The following PRKDC variants were observed in gnomAD, a reference collection of about 807,000 sequenced individuals.
The protein encoded by PRKDC is DNA-dependent protein kinase catalytic subunit.
A neutral mutation model predicts 486.9 loss-of-function variants in PRKDC; 82 were observed. The observed-to-expected ratio is 0.17, with a 90% CI of 0.14 to 0.20. The LOEUF (loss-of-function observed/expected upper bound fraction) is 0.20, where lower values mean the gene tolerates loss of function less well. Ranked by LOEUF, PRKDC falls within the 10% of genes least tolerant of loss-of-function variation. The pLI, the probability that PRKDC is intolerant of heterozygous loss-of-function variation, is 1.00. For synonymous variants in PRKDC, 1,895 were observed against 1,837.0 expected (o/e 1.03, Z -0.81); for missense variants, 4,504 against 5,038.2 (o/e 0.89, Z 3.21).
At chr8:47,869,147 G>C (rs1352252297) in intron 40 of PRKDC, among the ~76,000 whole-genome samples, 1 of 152,114 alleles carries the variant, frequency 6.6e-6, no homozygotes, top group Non-Finnish European at 1.5e-5. Flanking sequence ...GCTGGGCTCA[G>C]AACAAGTGGA....
chr8:47,942,947 C>G (rs532510351), intron 10 of PRKDC, among the ~76,000 whole-genome samples: 1 of 152,348 alleles, frequency 6.6e-6, no homozygotes, highest in South Asian at 2.1e-4. Context: ...CCCAGCCCTT[C>G]CGGCCATCAC....
At position 47,862,101 on chromosome 8, in the gene PRKDC, G is replaced by A. The variant is rs1431185388; in HGVS notation, c.5946C>T (p.Ile1982=). 9.7e-6 allele frequency: 15 copies of A among 1,551,318 alleles called. No homozygotes were observed. Among genetic ancestry groups the A allele is most frequent in the Middle Eastern group, 1.7e-4 (1 of 5,998 alleles). The change falls in exon 44 of 86, where the codon ATC becomes ATT. Residue 1982 remains isoleucine, a synonymous_variant. Coordinates refer to ENST00000314191, the MANE Select transcript of PRKDC (RefSeq NM_006904.7). ...EKNLLIFENL[I]DLKRRYNFPV... ...GAAAATTATAGCGGCGCTTCAGGTC[G>A]ATCAGATTTTCAAAAATAAGCAAGT...
intron 33 of PRKDC, 76 bp downstream of exon 33, chr8:47,888,938 G>C (rs2089394585): frequency 2.1e-6 from 3 of 1,419,780 alleles, no homozygotes; most frequent in Non-Finnish European, 2.9e-6. Context: ...AGCAGGAGCA[G>C]CTGCAGGAGC....
At chr8:47,807,083 G>T (rs763794764) in intron 69 of PRKDC, 54 bp downstream of exon 69, 13 of 1,521,512 alleles carry the variant, frequency 8.5e-6, no homozygotes, top group African/African-American at 1.4e-5. Flanking sequence ...TTAGAGAAAA[G>T]CTAATTTAGC....
Position 47,799,246 on chromosome 8 carries a change from C to A in PRKDC, c.10261G>T (p.Asp3421Tyr). The stretch of plus-strand genomic sequence containing the variant: ...TCTTCCTCCTTGCGCAGCTGTTGGT[C>A]ACAGAAATCTGCCAGCGTCATGTAA... The part of the protein sequence containing the change: ...DAYMTLADFC[D>Y]QQLRKEEENA... Residue 3421 changes from aspartate (D) to tyrosine (Y), a missense_variant, in exon 72 of 86, where the codon GAC (aspartate) becomes TAC (tyrosine). Physicochemically the swap from Asp to Tyr is radical, Grantham distance 160. Around this residue, in one of 6 missense-constraint regions of PRKDC, gnomAD observed 706 missense variants for 945.0 expected, o/e 0.75. Coordinates refer to ENST00000314191, the MANE Select transcript of PRKDC (RefSeq NM_006904.7). 6.2e-7 allele frequency: 1 copy of A among 1,613,888 alleles called. No homozygotes were observed. The highest frequency in any genetic ancestry group is 1.1e-5 in the South Asian group (1 of 91,076).
intron 66 of PRKDC, 46 bp downstream of exon 66, chr8:47,820,673 A>G: frequency 1.0e-6 from 1 of 964,754 alleles, no homozygotes; most frequent in Non-Finnish European, 1.4e-6. Context: ...TAATATATAT[A>G]TACACTATAT....
chr8:47,822,238 A>C (rs534205412), intron 64 of PRKDC, among the ~76,000 whole-genome samples: 1 of 151,922 alleles, frequency 6.6e-6, no homozygotes, highest in East Asian at 2.0e-4. Context: ...GGCTGCAGTA[A>C]GCTGAGATTG....
intron 47 of PRKDC, 32 bp from the exon 48 acceptor site, chr8:47,858,667 C>A: frequency 2.7e-6 from 4 of 1,462,458 alleles, no homozygotes; most frequent in South Asian, 1.4e-5. Flanking sequence ...TACCTTAAAA[C>A]GTGGAATAAA....
rs750839673 is a variant in PRKDC, at chr8:47,773,954, C to T, written c.*219G>A. ...GCCTGGATATCTATCTTTCTATAAA[C>T]CTCACCTAATCTTTGATGTTACTAT... On this transcript the variant is annotated 3_prime_UTR_variant, in exon 86 of 86. Transcript: ENST00000314191. 4.6e-5 allele frequency: 22 copies of T among 478,440 alleles called. No individual in the cohort carries two copies. The highest frequency in any genetic ancestry group is 7.3e-5 in the Non-Finnish European group (20 of 273,648). The allele number at this position is 478,440 out of a possible 1,614,324, so 29.6% of individuals were successfully genotyped here.
intron 42 of PRKDC, 75 bp from the exon 43 acceptor site, chr8:47,862,616 A>T (rs907443548): frequency 3.9e-5 from 55 of 1,407,718 alleles, no homozygotes; most frequent in Non-Finnish European, 4.8e-5. Context: ...ATGCCAGACA[A>T]CAGGACCTAA....
At chr8:47,899,978 G>T (rs1339672266) in intron 28 of PRKDC, among the ~76,000 whole-genome samples, 3 of 152,124 alleles carry the variant, frequency 2.0e-5, no homozygotes, top group Non-Finnish European at 4.4e-5. Flanking sequence ...CTTTCTAAAT[G>T]ATCACGAGTG....
chr8:47,899,808 C>T (rs2089647460), intron 28 of PRKDC, among the ~76,000 whole-genome samples: 5 of 152,214 alleles, frequency 3.3e-5, no homozygotes, highest in Admixed American at 3.3e-4. Context: ...AGCTCAACAA[C>T]TCTATGTAGT....
Position 47,782,728 on chromosome 8 carries a change from C to T in PRKDC, c.11176-130G>A. 1 of 980,052 alleles carries T rather than the reference C, an allele frequency of 1.0e-6. No homozygotes were observed. The highest frequency in any genetic ancestry group is 1.5e-6 in the Non-Finnish European group (1 of 675,504). 60.7% of individuals were successfully genotyped at this position (980,052 alleles called of 1,614,324 possible). On this transcript the variant is annotated intron_variant, in intron 78 of 85. Coordinates refer to ENST00000314191, the MANE Select transcript of PRKDC (RefSeq NM_006904.7). The surrounding 1 kb of genome is among the most constrained non-coding windows in gnomAD (Gnocchi z 4.9). ...GAAGACAGTGCCAAAGAGCAGAGCG[C>T]CCAGGCCAGCAACGAATTTCTGCTA...
At position 47,922,384 on chromosome 8, in the gene PRKDC, A is replaced by G. The variant is rs558973791; in HGVS notation, c.2420-4001T>C. On this transcript the variant is annotated intron_variant, in intron 21 of 85. Transcript: ENST00000314191. Reference sequence around the variant, plus strand: ...CCACTTGGGAAGCTGAGGCAGGAGAACTGCTTGAACCCGGGAGGCGGAGGT... The same window carrying G: ...CCACTTGGGAAGCTGAGGCAGGAGAGCTGCTTGAACCCGGGAGGCGGAGGT... Among the ~76,000 whole-genome samples, 18 of 152,152 alleles carry G rather than the reference A, an allele frequency of 1.2e-4. No individual in the cohort carries two copies. In the East Asian group the frequency reaches 1.7e-3, roughly 15 times the overall value.
chr8:47,874,854 A>C (rs2089056005), intron 40 of PRKDC, among the ~76,000 whole-genome samples: 1 of 152,166 alleles, frequency 6.6e-6, no homozygotes, highest in African/African-American at 2.4e-5. Context: ...CAGGAGTTCA[A>C]GACCAGCCTG....
At chr8:47,931,150 TAAGA>T (rs760248221) in intron 16 of PRKDC, among the ~76,000 whole-genome samples, 17 of 152,268 alleles carry the variant, frequency 1.1e-4, no homozygotes, top group Middle Eastern at 3.4e-3. Flanking sequence ...TTAACAGTAG[TAAGA>T]AAGATAAATG....
Position 47,890,491 on chromosome 8 carries a change from T to G in PRKDC, c.3848-11A>C, listed in dbSNP as rs1422190264. ...ACTGGGCTTCAGTACCTAGAAGCAA[T>G]TATATTAAAGTATTAATATATGCTT... On this transcript the variant is annotated splice_polypyrimidine_tract_variant and intron_variant, in intron 31 of 85. Coordinates refer to ENST00000314191, the MANE Select transcript of PRKDC (RefSeq NM_006904.7). 1.1e-5 allele frequency: 17 copies of G among 1,524,252 alleles called. No individual in the cohort carries two copies. Among genetic ancestry groups the G allele is most frequent in the Non-Finnish European group, 1.4e-5 (16 of 1,124,728 alleles). The allele number at this position is 1,524,252 out of a possible 1,614,324, so 94.4% of individuals were successfully genotyped here. A position where few individuals can be genotyped will look rare whatever the true frequency, so the allele number is the denominator to read the frequency against.
chr8:47,861,050 CA>C (rs199751702), intron 44 of PRKDC, 79 bp from the exon 45 acceptor site: 5,099 of 840,280 alleles, frequency 6.1e-3, no homozygotes, highest in South Asian at 8.8e-3. Context: ...AGCAATCTGG[CA>C]AAAAAAAAAT....
At chr8:47,824,339 T>C (rs1296089989) in intron 63 of PRKDC, among the ~76,000 whole-genome samples, 1 of 151,900 alleles carries the variant, frequency 6.6e-6, no homozygotes, top group Admixed American at 6.6e-5. Flanking sequence ...CTGGGCATGG[T>C]GGCGCATGCC....
Sources: gnomAD v4.1 joint callset for allele counts (sites outside exome capture counted in the v4.1 genomes callset) on GRCh38, gnomAD v4.1.1 for gene constraint, gnomAD v4.1.1 regional missense constraint, Gnocchi (gnomAD v3.1) non-coding constraint, MANE v1.5 for transcripts, NCBI Gene and HGNC (gene_info 2026-07-23, HGNC 2026-07-21) for gene names.